Variants in LAMA3 observed in about 807,000 individuals in gnomAD.
LAMA3 encodes the protein laminin subunit alpha 3.
In LAMA3, 281 loss-of-function variants were observed where a neutral mutation model predicts 402.0. That is an observed-to-expected ratio of 0.70 (90% CI 0.63 to 0.77). The LOEUF is 0.77. LAMA3 is among the 30% of genes least tolerant of loss of function. The pLI, the probability that LAMA3 is intolerant of heterozygous loss-of-function variation, is 0.00. For missense variants in LAMA3, 3,840 were observed against 4,215.5 expected (o/e 0.91, Z 2.47); for synonymous variants, 1,431 against 1,558.4 (o/e 0.92, Z 1.93).
chr18:23,797,706 C>T (rs1240740664), intron 12 of LAMA3, among the ~76,000 whole-genome samples: 1 of 151,062 alleles, frequency 6.6e-6, no homozygotes, highest in Non-Finnish European at 1.5e-5. Flanking sequence ...CAGAGCGAGA[C>T]TCCGTCTCAA....
intron 12 of LAMA3, among the ~76,000 whole-genome samples, chr18:23,797,360 GAC>G (rs2062784545): frequency 6.6e-6 from 1 of 151,968 alleles, no homozygotes; most frequent in Non-Finnish European, 1.5e-5. Context: ...TGTATCAGCT[GAC>G]CCAGTATATT....
At chr18:23,891,316 A>G (rs1480731937) in intron 42 of LAMA3, among the ~76,000 whole-genome samples, 2 of 152,240 alleles carry the variant, frequency 1.3e-5, no homozygotes, top group African/African-American at 4.8e-5. Context: ...AGGTGTGTTG[A>G]CAGACTTCAG....
intron 60 of LAMA3, 46 bp downstream of exon 60, chr18:23,916,741 G>A (rs201430057): frequency 3.1e-5 from 50 of 1,598,314 alleles, no homozygotes; most frequent in Admixed American, 1.0e-4. Flanking sequence ...TATTCATTCT[G>A]TTTAGCAATT....
At chr18:23,735,548 C>T (rs142093987) in intron 2 of LAMA3, among the ~76,000 whole-genome samples, 42 of 152,256 alleles carry the variant, frequency 2.8e-4, no homozygotes, top group African/African-American at 7.5e-4. Context: ...TAAGCATCTG[C>T]TCTGACCTCT....
intron 32 of LAMA3, among the ~76,000 whole-genome samples, chr18:23,856,930 G>C (rs2144705511): frequency 6.6e-6 from 1 of 152,234 alleles, no homozygotes; most frequent in South Asian, 2.1e-4. Flanking sequence ...TCCTGCTGCT[G>C]CTGCTGCTGG....
chr18:23,712,635 G>C (rs1331473356), intron 1 of LAMA3, among the ~76,000 whole-genome samples: 3 of 113,010 alleles, frequency 2.7e-5, no homozygotes, highest in Admixed American at 9.1e-5. Context: ...GTATAATGTC[G>C]AAAGATAAAG....
rs980035805 is a variant in LAMA3, at chr18:23,839,388, G to T, written c.3192-397G>T. Among the ~76,000 whole-genome samples, 7 of 152,268 alleles carry T rather than the reference G, an allele frequency of 4.6e-5. No homozygotes were observed. The South Asian group carries it at 1.5e-3, about 32-fold the overall frequency. On this transcript the variant is annotated intron_variant, in intron 26 of 74. Transcript: ENST00000313654. This position sits in a 1 kb window ranked among gnomAD's most constrained non-coding sequence, Gnocchi z 4.5. ...GGAACTACCAACACAATGTGATTCTGGTTGTGCGTAAAAGAGACGATGTAT... is the reference window on the plus strand; with the variant it reads ...GGAACTACCAACACAATGTGATTCTTGTTGTGCGTAAAAGAGACGATGTAT...
intron 63 of LAMA3, 129 bp downstream of exon 63, chr18:23,928,369 C>T: frequency 1.3e-6 from 1 of 756,232 alleles, no homozygotes; most frequent in Non-Finnish European, 2.4e-6. Context: ...CTCATATACA[C>T]TCCCCATGTG....
At chr18:23,800,536 A>G (rs2144182565) in intron 12 of LAMA3, among the ~76,000 whole-genome samples, 1 of 152,320 alleles carries the variant, frequency 6.6e-6, no homozygotes, top group Non-Finnish European at 1.5e-5. Flanking sequence ...TTGTTTTGTG[A>G]ACATTCAAAA....
At chr18:23,919,196 T>C (rs997812616) in intron 60 of LAMA3, among the ~76,000 whole-genome samples, 2 of 152,212 alleles carry the variant, frequency 1.3e-5, no homozygotes, top group African/African-American at 4.8e-5. Flanking sequence ...CAACCTAAGC[T>C]GACTCCCAAA....
At chr18:23,798,997 C>A (rs538020066) in intron 12 of LAMA3, among the ~76,000 whole-genome samples, 1 of 152,168 alleles carries the variant, frequency 6.6e-6, no homozygotes, top group Non-Finnish European at 1.5e-5. Flanking sequence ...TGAAGTAACA[C>A]GTATCAAGAA....
chr18:23,781,726 T>C (rs1050410971), intron 11 of LAMA3, among the ~76,000 whole-genome samples: 1 of 152,178 alleles, frequency 6.6e-6, no homozygotes, highest in Non-Finnish European at 1.5e-5. Context: ...GTGATAAGAA[T>C]GCTGTCTTCC....
At chr18:23,796,077 C>A (rs757744981) in intron 12 of LAMA3, 6 of 446,740 alleles carry the variant, frequency 1.3e-5, no homozygotes, top group South Asian at 9.6e-5. Flanking sequence ...TCAGCAGAAA[C>A]TGAACCAGCC....
intron 44 of LAMA3, 89 bp from the exon 45 acceptor site, chr18:23,898,649 A>G (rs2080959490): frequency 1.2e-6 from 1 of 812,842 alleles, no homozygotes; most frequent in Non-Finnish European, 2.2e-6. Context: ...GTCTTGCCAA[A>G]TGATTCTTCA....
intron 2 of LAMA3, among the ~76,000 whole-genome samples, chr18:23,742,031 A>G (rs2061572313): frequency 6.6e-6 from 1 of 152,252 alleles, no homozygotes; most frequent in African/African-American, 2.4e-5. Flanking sequence ...CTGAGGCACA[A>G]GGATCACTTG....
intron 25 of LAMA3, among the ~76,000 whole-genome samples, chr18:23,837,574 T>TATATATATATATATATAG: frequency 7.6e-6 from 1 of 132,008 alleles, no homozygotes; most frequent in South Asian, 2.3e-4. Flanking sequence ...TAATCAGATA[T>TATATATATATATATATAG]ATATATATAT....
rs2082410665 is a variant in LAMA3, at chr18:23,939,288, A to T, written c.8928A>T (p.Pro2976=). 6.2e-7 allele frequency: 1 copy of T among 1,614,048 alleles called. No individual in the cohort carries two copies. Among genetic ancestry groups the T allele is most frequent in the South Asian group, 1.1e-5 (1 of 91,088 alleles). The change falls in exon 68 of 75, where the codon CCA becomes CCT. Residue 2976 remains proline (P), a synonymous_variant. Transcript: ENST00000313654. ...AGGTGTGGCAAGATGCTTGCTCACC[A>T]CTTCCCAAGACCCAGGCCAATCATG... ...SVKVWQDACS[P]LPKTQANHGA... is the part of the protein sequence containing the mutation.
chr18:23,914,564 A>T lies in LAMA3; in HGVS notation c.7481+3A>T, dbSNP rs1568337934. 7.4e-6 allele frequency: 12 copies of T among 1,613,894 alleles called. No individual in the cohort carries two copies. The highest frequency in any genetic ancestry group is 1.0e-5 in the Non-Finnish European group (12 of 1,179,936). On this transcript the variant is annotated splice_donor_region_variant and intron_variant, in intron 57 of 74. Transcript: ENST00000313654. ...ATGGATCGGGTGAAATTTCAGAGGT[A>T]CAAGTCTGATTGACTGTACCTGTGC...
intron 12 of LAMA3, among the ~76,000 whole-genome samples, chr18:23,795,762 T>C (rs1057122683): frequency 2.0e-5 from 3 of 152,092 alleles, no homozygotes; most frequent in Admixed American, 2.0e-4. Flanking sequence ...ATCTTGTATA[T>C]TGGCTTCGTT....
Sources: gnomAD v4.1 joint callset for allele counts (sites outside exome capture counted in the v4.1 genomes callset) on GRCh38, gnomAD v4.1.1 for gene constraint, Gnocchi (gnomAD v3.1) non-coding constraint, MANE v1.5 for transcripts, NCBI Gene and HGNC (gene_info 2026-07-23, HGNC 2026-07-21) for gene names.